The following PTPRT variants were observed in gnomAD, a reference collection of about 807,000 sequenced individuals.
PTPRT encodes protein tyrosine phosphatase receptor type T, also known as receptor-type tyrosine-protein phosphatase T.
In PTPRT, 56 loss-of-function variants were observed where a neutral mutation model predicts 176.8. The observed-to-expected ratio is 0.32, with a 90% confidence interval of 0.26 to 0.40. The LOEUF (loss-of-function observed/expected upper bound fraction) is 0.40. Ranked by LOEUF, PTPRT falls within the 10% of genes least tolerant of loss-of-function variation. PTPRT has a pLI of 1.00. For synonymous variants in PTPRT, 783 were observed against 739.0 expected (o/e 1.06, Z -0.96); for missense variants, 1,540 against 1,908.2 (o/e 0.81, Z 3.60).
intron 2 of PTPRT, among the ~76,000 whole-genome samples, chr20:42,808,118 G>A (rs557497532): frequency 9.3e-4 from 141 of 152,298 alleles, no homozygotes; most frequent in Non-Finnish European, 1.7e-3. Context: ...TTGCAGACTC[G>A]GACGGGCCAT....
chr20:42,180,272 T>C (rs1990462429), intron 16 of PTPRT, among the ~76,000 whole-genome samples: 1 of 152,176 alleles, frequency 6.6e-6, no homozygotes, highest in South Asian at 2.1e-4. Context: ...GGAACAGGGT[T>C]CTAGCTTCCA....
intron 16 of PTPRT, among the ~76,000 whole-genome samples, chr20:42,162,783 A>C (rs1210002629): frequency 7.9e-5 from 12 of 152,228 alleles, no homozygotes; most frequent in Admixed American, 7.8e-4. Context: ...GTCTTTTCAA[A>C]ATCCATGTGC....
chr20:42,564,036 G>A (rs890265243), intron 7 of PTPRT, among the ~76,000 whole-genome samples: 1 of 152,176 alleles, frequency 6.6e-6, no homozygotes, highest in Non-Finnish European at 1.5e-5. Flanking sequence ...TCAGAAGAGG[G>A]AAGAAACAGT....
intron 6 of PTPRT, among the ~76,000 whole-genome samples, chr20:42,724,162 C>A (rs976912397): frequency 6.6e-6 from 1 of 152,212 alleles, no homozygotes; most frequent in Admixed American, 6.5e-5. Context: ...TCCTTGCCTT[C>A]AGAAAGCTCA....
intron 1 of PTPRT, among the ~76,000 whole-genome samples, chr20:42,896,987 C>CG (rs1176958924): frequency 6.6e-5 from 10 of 151,830 alleles, no homozygotes; most frequent in Admixed American, 3.9e-4. Flanking sequence ...AAGTGTGTGC[C>CG]GGGGGGGTGT....
intron 1 of PTPRT, among the ~76,000 whole-genome samples, chr20:43,159,723 A>G (rs2146437935): frequency 6.6e-6 from 1 of 152,276 alleles, no homozygotes; most frequent in Non-Finnish European, 1.5e-5. Context: ...AGATGTCCAT[A>G]ATGATCTTGC....
chr20:42,073,167 G>C lies in PTPRT; in HGVS notation c.*7712C>G, dbSNP rs1254767646. On this transcript the variant is annotated 3_prime_UTR_variant, in exon 31 of 31. Transcript: ENST00000373187. ...ATATTATATGCCCAGTGGATGTGAAGATGTCAGCCTCCCTGGAGTTGAGCG... is the reference window on the plus strand; with the variant it reads ...ATATTATATGCCCAGTGGATGTGAACATGTCAGCCTCCCTGGAGTTGAGCG... 5.1e-6 allele frequency: 1 copy of C among 196,740 alleles called. No individual in the cohort carries two copies. The highest frequency in any genetic ancestry group is 1.1e-5 in the Non-Finnish European group (1 of 94,464). The allele number at this position is 196,740 out of a possible 1,614,324, so 12.2% of individuals were successfully genotyped here. A position where few individuals can be genotyped will look rare whatever the true frequency, so the allele number is the denominator to read the frequency against.
chr20:42,362,663 G>C (rs1162469528), intron 9 of PTPRT, among the ~76,000 whole-genome samples: 1 of 152,048 alleles, frequency 6.6e-6, no homozygotes, highest in Non-Finnish European at 1.5e-5. Context: ...TTATAATGTA[G>C]CTTAAAGTAT....
chr20:42,931,842 G>C (rs1274430242), intron 1 of PTPRT, among the ~76,000 whole-genome samples: 1 of 152,220 alleles, frequency 6.6e-6, no homozygotes, highest in East Asian at 1.9e-4. Context: ...GTAGGTGCCA[G>C]AGACATGGCT....
intron 7 of PTPRT, among the ~76,000 whole-genome samples, chr20:42,474,002 CA>C (rs2145298436): frequency 6.6e-6 from 1 of 152,164 alleles, no homozygotes; most frequent in Non-Finnish European, 1.5e-5. Context: ...AACCTCATGG[CA>C]GGGGGAAGAG....
At chr20:42,992,441 G>A (rs1321752697) in intron 1 of PTPRT, among the ~76,000 whole-genome samples, 2 of 152,252 alleles carry the variant, frequency 1.3e-5, no homozygotes, top group Non-Finnish European at 2.9e-5. Context: ...TATTGGGCCA[G>A]TAAGCTGGCC....
At chr20:42,182,321 T>A (rs1990558267) in intron 16 of PTPRT, among the ~76,000 whole-genome samples, 1 of 152,188 alleles carries the variant, frequency 6.6e-6, no homozygotes, top group African/African-American at 2.4e-5. Context: ...GGCTATTTCA[T>A]AAATAAAGCA....
chr20:42,365,962 G>C (rs1758871000), intron 9 of PTPRT, among the ~76,000 whole-genome samples: 1 of 152,204 alleles, frequency 6.6e-6, no homozygotes, highest in South Asian at 2.1e-4. Context: ...TCCACACTGA[G>C]TGCCAGGAGT....
intron 1 of PTPRT, among the ~76,000 whole-genome samples, chr20:43,013,467 C>T (rs1214620885): frequency 6.6e-6 from 1 of 152,096 alleles, no homozygotes; most frequent in Non-Finnish European, 1.5e-5. Context: ...ATGAACAAGC[C>T]AGATTCTTGA....
At chr20:42,087,824 G>A (rs1984144594) in intron 27 of PTPRT, among the ~76,000 whole-genome samples, 1 of 131,136 alleles carries the variant, frequency 7.6e-6, no homozygotes, top group African/African-American at 2.7e-5. Context: ...AGTGGGTGGA[G>A]ATCACGCCAC....
At chr20:42,370,664 T>A (rs1320321720) in intron 9 of PTPRT, among the ~76,000 whole-genome samples, 1 of 152,204 alleles carries the variant, frequency 6.6e-6, no homozygotes, top group Non-Finnish European at 1.5e-5. Flanking sequence ...ACTGAGATAA[T>A]ACTTGTAAAG....
intron 17 of PTPRT, among the ~76,000 whole-genome samples, chr20:42,159,064 G>A (rs1001418420): frequency 6.7e-6 from 1 of 149,432 alleles, no homozygotes; most frequent in African/African-American, 2.5e-5. Flanking sequence ...CAGATTGCAA[G>A]TTCTTACATA....
chr20:42,577,538 T>G (rs75273399), intron 7 of PTPRT, among the ~76,000 whole-genome samples: 7,685 of 152,294 alleles, frequency 0.05, 236 homozygotes, highest in Middle Eastern at 0.11. Flanking sequence ...TACTGCAGAC[T>G]GGGGATGTTT....
At chr20:42,146,242 C>T (rs6016696) in intron 17 of PTPRT, among the ~76,000 whole-genome samples, 4,256 of 152,214 alleles carry the variant, frequency 0.028, 203 homozygotes, top group African/African-American at 0.098. Flanking sequence ...TAGCACTGGA[C>T]TTCTGGATGT....
Sources: gnomAD v4.1 joint callset for allele counts (sites outside exome capture counted in the v4.1 genomes callset) on GRCh38, gnomAD v4.1.1 for gene constraint, MANE v1.5 for transcripts, NCBI Gene and HGNC (gene_info 2026-07-23, HGNC 2026-07-21) for gene names.